PELI2: variants seen among roughly 807,000 people sequenced by gnomAD.
The protein encoded by PELI2 is pellino E3 ubiquitin protein ligase family member 2, also known as E3 ubiquitin-protein ligase pellino homolog 2.
In PELI2, 23 loss-of-function variants were observed where a neutral mutation model predicts 42.3. The observed-to-expected ratio is 0.54, with a 90% CI of 0.39 to 0.77. The LOEUF (loss-of-function observed/expected upper bound fraction) is 0.77, where lower values mean the gene tolerates loss of function less well. Ranked by LOEUF, PELI2 falls within the 30% of genes least tolerant of loss-of-function variation. The probability of loss-of-function intolerance (pLI) is 0.00; values close to 1 mark genes in which losing one functional copy is unlikely to be tolerated. For synonymous variants in PELI2, 245 were observed against 212.2 expected, an observed-to-expected ratio of 1.15 and a Z score of -1.34; for missense variants, 463 against 553.2, an observed-to-expected ratio of 0.84 and a Z score of 1.64.
intron 2 of PELI2, among the ~76,000 whole-genome samples, chr14:56,198,767 C>T (rs1886230198): frequency 6.6e-6 from 1 of 152,148 alleles, no homozygotes; most frequent in South Asian, 2.1e-4. Flanking sequence ...ATGGAGATGA[C>T]CCAGTATGGT....
chr14:56,287,967 G>A (rs1889698222), intron 3 of PELI2, among the ~76,000 whole-genome samples: 1 of 152,216 alleles, frequency 6.6e-6, no homozygotes, highest in Non-Finnish European at 1.5e-5. Context: ...CAGAGTTACA[G>A]TTGTTGGGAT....
At chr14:56,182,661 G>C (rs1286468671) in intron 2 of PELI2, among the ~76,000 whole-genome samples, 6 of 152,274 alleles carry the variant, frequency 3.9e-5, no homozygotes, top group Non-Finnish European at 2.9e-5. Flanking sequence ...AGAGAAACAT[G>C]AGGGCCATTT....
chr14:56,136,277 G>A (rs1189539860), intron 1 of PELI2, among the ~76,000 whole-genome samples: 2 of 152,222 alleles, frequency 1.3e-5, no homozygotes, highest in South Asian at 2.1e-4. Context: ...GAGGTCCACA[G>A]TGTCTCTGGT....
At chr14:56,145,030 G>A (rs1362376136) in intron 1 of PELI2, 12 of 900,212 alleles carry the variant, frequency 1.3e-5, no homozygotes, top group Non-Finnish European at 1.6e-5. Context: ...CTGGCTTCTA[G>A]GTGTATTGCT....
chr14:56,298,007 AC>A lies in PELI2; in HGVS notation c.*842del, dbSNP rs1890068587. 6.6e-6 allele frequency: 1 copy of A among 152,146 alleles called. No individual in the cohort carries two copies. Among genetic ancestry groups the A allele is most frequent in the South Asian group, 2.1e-4 (1 of 4,834 alleles). 9.4% of individuals were successfully genotyped at this position (152,146 alleles called of 1,614,324 possible). ...GTAGTAGACATGGTCTGGGTACTAT[AC>A]TACCATGTTTATTTGCTGACTGAAT... On this transcript the variant is annotated 3_prime_UTR_variant, in exon 6 of 6. Coordinates refer to ENST00000267460, the MANE Select transcript of PELI2 (RefSeq NM_021255.3).
In PELI2 at chr14:56,184,727, A is replaced by T. The variant is rs188975533; in HGVS notation, c.207+6263A>T. On this transcript the variant is annotated intron_variant, in intron 2 of 5. Transcript: ENST00000267460. ...AGTAGAAGGTAATGGAAGATTTACTATGAGCAGTATTATGTGATGGGAAAA... is the reference window on the plus strand; with the variant it reads ...AGTAGAAGGTAATGGAAGATTTACTTTGAGCAGTATTATGTGATGGGAAAA... Among the ~76,000 whole-genome samples, 465 of 152,210 alleles carry T rather than the reference A, an allele frequency of 3.1e-3. 1 individual carries two copies. Among genetic ancestry groups the T allele is most frequent in the African/African-American group, 0.01 (425 of 41,590 alleles).
intron 2 of PELI2, among the ~76,000 whole-genome samples, chr14:56,217,249 G>A (rs12888052): frequency 0.4 from 60,889 of 152,094 alleles, 13,040 homozygotes; most frequent in South Asian, 0.53. Flanking sequence ...CCAGATTCAC[G>A]TAGCTGCCTG....
At chr14:56,228,545 A>T (rs76077584) in intron 2 of PELI2, among the ~76,000 whole-genome samples, 2,233 of 152,374 alleles carry the variant, frequency 0.015, 55 homozygotes, top group African/African-American at 0.051. Context: ...ATGGGAAAAT[A>T]CACGATTATA....
rs1889724165 is a variant in PELI2 at position 56,288,716 on chromosome 14, A to AG, written c.507+82_507+83insG. On this transcript the variant is annotated intron_variant, in intron 4 of 5. Coordinates refer to ENST00000267460, the MANE Select transcript of PELI2 (RefSeq NM_021255.3). The surrounding 1 kb of genome is among the most constrained non-coding windows in gnomAD (Gnocchi z 4.6). ...GAACATTTAATTGGAGCAAAAAAAAATTGGCTTTGTATGTTGCCTCTAGTG... is the reference window on the plus strand; with the variant it reads ...GAACATTTAATTGGAGCAAAAAAAAAGTTGGCTTTGTATGTTGCCTCTAGTG... The AG allele has an allele frequency of 1.7e-6, 2 of 1,192,018 alleles. No individual in the cohort carries two copies. The highest frequency in any genetic ancestry group is 3.1e-5 in the African/African-American group (2 of 65,380). The allele number at this position is 1,192,018 out of a possible 1,614,324, so 73.8% of individuals were successfully genotyped here.
At chr14:56,131,674 G>A (rs1883488820) in intron 1 of PELI2, among the ~76,000 whole-genome samples, 1 of 152,162 alleles carries the variant, frequency 6.6e-6, no homozygotes, top group South Asian at 2.1e-4. Flanking sequence ...TTAAAAGACA[G>A]CACAGCTCAC....
chr14:56,229,830 G>C (rs1887494700), intron 2 of PELI2, among the ~76,000 whole-genome samples: 1 of 152,172 alleles, frequency 6.6e-6, no homozygotes, highest in African/African-American at 2.4e-5. Flanking sequence ...CAAACCCATT[G>C]CAAAGATGCT....
intron 2 of PELI2, among the ~76,000 whole-genome samples, chr14:56,239,039 AATTG>A (rs1439640290): frequency 1.3e-5 from 2 of 152,212 alleles, no homozygotes; most frequent in African/African-American, 4.8e-5. Context: ...TAGAAGCATG[AATTG>A]ATTCTAAATG....
chr14:56,245,625 T>A (rs1002088792), intron 2 of PELI2, among the ~76,000 whole-genome samples: 2 of 152,156 alleles, frequency 1.3e-5, no homozygotes, highest in Admixed American at 1.3e-4. Context: ...TGGGAACTGT[T>A]TCTTCATCTA....
At chr14:56,186,925 CCT>C (rs1885788400) in intron 2 of PELI2, among the ~76,000 whole-genome samples, 1 of 151,910 alleles carries the variant, frequency 6.6e-6, no homozygotes, top group African/African-American at 2.4e-5. Context: ...GAATTATGAC[CCT>C]GATTCAGGCA....
chr14:56,225,289 A>G (rs1399779449), intron 2 of PELI2, among the ~76,000 whole-genome samples: 1 of 152,162 alleles, frequency 6.6e-6, no homozygotes, highest in Non-Finnish European at 1.5e-5. Context: ...GGAGCGAGGC[A>G]GAGGCTGGCT....
At chr14:56,141,737 A>G (rs1016013108) in intron 1 of PELI2, among the ~76,000 whole-genome samples, 4 of 152,144 alleles carry the variant, frequency 2.6e-5, no homozygotes, top group Non-Finnish European at 4.4e-5. Context: ...TGAGAACAGC[A>G]TGGGGGAAAC....
At chr14:56,212,919 T>A (rs1233568814) in intron 2 of PELI2, among the ~76,000 whole-genome samples, 1 of 149,398 alleles carries the variant, frequency 6.7e-6, no homozygotes, top group Non-Finnish European at 1.5e-5. Context: ...TCTCCAGAGT[T>A]GCAGGGATGA....
intron 5 of PELI2, among the ~76,000 whole-genome samples, chr14:56,294,411 A>G (rs1324855294): frequency 6.6e-6 from 1 of 152,192 alleles, no homozygotes; most frequent in East Asian, 1.9e-4. Flanking sequence ...CCAGTTAGGA[A>G]GGGAAGAGCT....
chr14:56,250,498 C>T (rs1407177191), intron 2 of PELI2, among the ~76,000 whole-genome samples: 4 of 152,086 alleles, frequency 2.6e-5, no homozygotes, highest in African/African-American at 7.2e-5. Context: ...GTAAGGAAGC[C>T]GACAGTGCAG....
Sources: gnomAD v4.1 joint callset for allele counts (sites outside exome capture counted in the v4.1 genomes callset) on GRCh38, gnomAD v4.1.1 for gene constraint, Gnocchi (gnomAD v3.1) non-coding constraint, MANE v1.5 for transcripts, NCBI Gene and HGNC (gene_info 2026-07-23, HGNC 2026-07-21) for gene names.